RPS6KA5: variants seen among roughly 807,000 people sequenced by gnomAD.
RPS6KA5 encodes ribosomal protein S6 kinase alpha-5.
A neutral mutation model predicts 85.5 loss-of-function variants in RPS6KA5; 27 were observed. The observed-to-expected ratio is 0.32, with a 90% CI of 0.23 to 0.44. RPS6KA5 has a LOEUF of 0.44. RPS6KA5 is among the 20% of genes least tolerant of loss of function. The pLI, the probability that RPS6KA5 is intolerant of heterozygous loss-of-function variation, is 1.00. For missense variants in RPS6KA5, 811 were observed against 980.9 expected, an observed-to-expected ratio of 0.83 and a Z score of 2.31; for synonymous variants, 334 against 348.2, an observed-to-expected ratio of 0.96 and a Z score of 0.46.
chr14:90,946,185 C>T (rs1221502758), intron 4 of RPS6KA5, among the ~76,000 whole-genome samples: 1 of 151,998 alleles, frequency 6.6e-6, no homozygotes, highest in Non-Finnish European at 1.5e-5. Flanking sequence ...AGCTTGTTAC[C>T]ATATCAATAA....
chr14:90,891,370 T>C (rs1160764010), intron 13 of RPS6KA5, among the ~76,000 whole-genome samples: 1 of 151,800 alleles, frequency 6.6e-6, no homozygotes, highest in Non-Finnish European at 1.5e-5. Flanking sequence ...TCAGAAAACA[T>C]TATTATTTTG....
chr14:91,033,525 C>T (rs1228168987), intron 1 of RPS6KA5, among the ~76,000 whole-genome samples: 2 of 151,998 alleles, frequency 1.3e-5, no homozygotes, highest in African/African-American at 4.8e-5. Context: ...TCACTTGAAA[C>T]CGGGAGGCAG....
At chr14:91,034,064 T>C (rs980158828) in intron 1 of RPS6KA5, among the ~76,000 whole-genome samples, 1 of 151,974 alleles carries the variant, frequency 6.6e-6, no homozygotes, top group Non-Finnish European at 1.5e-5. Context: ...TCAACACTTT[T>C]GAGAGGCTGA....
intron 9 of RPS6KA5, among the ~76,000 whole-genome samples, chr14:90,901,233 T>C (rs752724006): frequency 1.2e-4 from 19 of 152,110 alleles, no homozygotes; most frequent in Non-Finnish European, 2.8e-4. Context: ...GCCTCCCAAG[T>C]AGCTGGGATT....
At chr14:90,909,015 T>A (rs2035660444) in intron 7 of RPS6KA5, among the ~76,000 whole-genome samples, 1 of 152,208 alleles carries the variant, frequency 6.6e-6, no homozygotes, top group South Asian at 2.1e-4. Context: ...TGCTGTAATG[T>A]CGATACACTG....
At chr14:91,020,936 C>G (rs1480480646) in intron 1 of RPS6KA5, among the ~76,000 whole-genome samples, 2 of 151,962 alleles carry the variant, frequency 1.3e-5, no homozygotes, top group African/African-American at 4.8e-5. Flanking sequence ...ATGTTCAATA[C>G]TTAGGTGATG....
rs535718642 is a variant in RPS6KA5, at chr14:90,865,521, G to C, written c.*6553C>G. On this transcript the variant is annotated 3_prime_UTR_variant, in exon 17 of 17. Coordinates refer to ENST00000614987, the MANE Select transcript of RPS6KA5 (RefSeq NM_004755.4). ...CTGGGAGCCTCATCTTGATCTGAAT[G>C]ATGGTTATATGGGCGCATATATATG... 1.3e-5 allele frequency: 2 copies of C among 152,346 alleles called. No individual in the cohort carries two copies. The highest frequency in any genetic ancestry group is 3.9e-4 in the East Asian group (2 of 5,194). 9.4% of individuals were successfully genotyped at this position (152,346 alleles called of 1,614,324 possible).
chr14:90,949,162 AC>A (rs2038037513), intron 3 of RPS6KA5, among the ~76,000 whole-genome samples: 1 of 152,186 alleles, frequency 6.6e-6, no homozygotes, highest in Non-Finnish European at 1.5e-5. Flanking sequence ...CTTTTTTCCT[AC>A]CTTATTTTAC....
intron 1 of RPS6KA5, among the ~76,000 whole-genome samples, chr14:91,002,533 A>C (rs1049837539): frequency 6.6e-6 from 1 of 152,140 alleles, no homozygotes; most frequent in Non-Finnish European, 1.5e-5. Flanking sequence ...ATGCTTTGGG[A>C]CTACAACTTT....
chr14:91,056,297 A>C (rs2139972538), intron 1 of RPS6KA5, among the ~76,000 whole-genome samples: 1 of 152,258 alleles, frequency 6.6e-6, no homozygotes, highest in East Asian at 1.9e-4. Context: ...GTTTACAGAA[A>C]TTGCTGCCAT....
intron 1 of RPS6KA5, among the ~76,000 whole-genome samples, chr14:91,056,409 A>G (rs1186675878): frequency 6.6e-6 from 1 of 152,214 alleles, no homozygotes. Context: ...AGATCTTTAT[A>G]ACTGAAGCTG....
intron 1 of RPS6KA5, among the ~76,000 whole-genome samples, chr14:91,050,655 C>T (rs1005908435): frequency 6.6e-5 from 10 of 152,108 alleles, no homozygotes; most frequent in Non-Finnish European, 1.0e-4. Flanking sequence ...TCTCAAACTC[C>T]CGACCCCAGG....
chr14:90,873,651 C>T lies in RPS6KA5; in HGVS notation c.2141G>A (p.Cys714Tyr), dbSNP rs1004150102. ...CCTTACGTGGAAGGTTGCTTTCACACAGGTATGCACGGCAGCTCCGGAAGA... is the reference window on the plus strand; with the variant it reads ...CCTTACGTGGAAGGTTGCTTTCACATAGGTATGCACGGCAGCTCCGGAAGA... ...LGSSGAAVHT[C>Y]VKATFHAFNK... Residue 714 changes from cysteine to tyrosine, a missense_variant, in exon 16 of 17, where the codon TGT becomes TAT. By Grantham distance (194) the Cys-to-Tyr change is radical. Around this residue, in one of 3 missense-constraint regions of RPS6KA5, gnomAD observed 650 missense variants for 793.4 expected, o/e 0.82. Transcript: ENST00000614987. 6.2e-7 allele frequency: 1 copy of T among 1,613,788 alleles called. No homozygotes were observed. The highest frequency in any genetic ancestry group is 1.3e-5 in the African/African-American group (1 of 75,036).
intron 7 of RPS6KA5, among the ~76,000 whole-genome samples, chr14:90,913,447 A>T (rs1477331162): frequency 1.3e-5 from 2 of 152,178 alleles, no homozygotes; most frequent in Non-Finnish European, 2.9e-5. Context: ...AAAGTGATAG[A>T]TATTGCCAAA....
intron 8 of RPS6KA5, among the ~76,000 whole-genome samples, chr14:90,904,241 AAAAC>A (rs1347478915): frequency 6.6e-6 from 1 of 152,246 alleles, no homozygotes; most frequent in Non-Finnish European, 1.5e-5. Context: ...AGCCAAAAAG[AAAAC>A]AAACAAAAAA....
intron 3 of RPS6KA5, among the ~76,000 whole-genome samples, chr14:90,948,325 T>C (rs991860414): frequency 6.6e-6 from 1 of 152,216 alleles, no homozygotes; most frequent in African/African-American, 2.4e-5. Context: ...CAAATTAATG[T>C]TAGAAACTGC....
chr14:91,028,592 C>T (rs2042071270), intron 1 of RPS6KA5, among the ~76,000 whole-genome samples: 1 of 151,374 alleles, frequency 6.6e-6, no homozygotes, highest in African/African-American at 2.4e-5. Context: ...GATCTCAGCT[C>T]ACTGTAAGCT....
intron 10 of RPS6KA5, 53 bp from the exon 11 acceptor site, chr14:90,900,294 G>T: frequency 1.4e-5 from 18 of 1,320,900 alleles, no homozygotes; most frequent in Non-Finnish European, 1.7e-5. Flanking sequence ...AATACACAAA[G>T]GATCAATAAA....
rs200091410 is a variant in RPS6KA5, at chr14:90,900,172, T to C, written c.1315A>G (p.Ile439Val). ...DKPLGEGSFSICRKCVHKKSN... is the reference protein window; with the variant it reads ...DKPLGEGSFSVCRKCVHKKSN... The stretch of plus-strand genomic sequence containing the variant: ...TTTTTATGCACACACTTTCGACAAA[T>C]TGAAAAACTACCTTCTCCCAGGGGT... Residue 439 changes from isoleucine (I) to valine (V), a missense_variant, in exon 11 of 17, where the codon ATT (isoleucine) becomes GTT (valine). Ile to Val is a conservative substitution (Grantham distance 29). Coordinates refer to ENST00000614987, the MANE Select transcript of RPS6KA5 (RefSeq NM_004755.4). 5.4e-5 allele frequency: 86 copies of C among 1,606,546 alleles called. 1 individual carries two copies. The highest frequency in any genetic ancestry group is 3.4e-4 in the East Asian group (15 of 44,402).
Sources: allele counts gnomAD v4.1 joint callset (sites outside exome capture counted in the v4.1 genomes callset), GRCh38; gene constraint gnomAD v4.1.1; regional missense constraint gnomAD v4.1.1; transcripts MANE v1.5; gene names NCBI Gene and HGNC (gene_info 2026-07-23, HGNC 2026-07-21).